EDDM13: variants seen among roughly 807,000 people sequenced by gnomAD.
EDDM13 encodes the protein epididymal protein 13.
In EDDM13, 24 loss-of-function variants were observed where a neutral mutation model predicts 17.8. That is an observed-to-expected ratio of 1.35 (90% CI 0.98 to 1.90). EDDM13 has a LOEUF of 1.90. EDDM13 is among the 40% of genes most tolerant of loss of function. The probability of loss-of-function intolerance (pLI) is 0.00; values close to 1 mark genes in which losing one functional copy is unlikely to be tolerated. For synonymous variants in EDDM13, 31 were observed against 37.5 expected (o/e 0.83, Z 0.63); for missense variants, 97 against 100.8 (o/e 0.96, Z 0.16).
chr19:56,304,649 T>C (rs1034723671), intron 13 of EDDM13, 144 bp from the exon 14 acceptor site: 4 of 258,744 alleles, frequency 1.5e-5, no homozygotes, highest in Admixed American at 1.3e-4. Context: ...GACCAGAAGA[T>C]GTTACAACCA....
At chr19:56,303,261 C>T (rs1180700472) in intron 13 of EDDM13, among the ~76,000 whole-genome samples, 9 of 151,994 alleles carry the variant, frequency 5.9e-5, no homozygotes, top group Non-Finnish European at 8.8e-5. Flanking sequence ...GGCTGGATCA[C>T]GAGGTCAGGA....
At chr19:56,286,572 AAAACG>A (rs1003652598) in intron 6 of EDDM13, 2 of 152,200 alleles carry the variant, frequency 1.3e-5, no homozygotes, top group African/African-American at 4.8e-5. Context: ...TCATGAAAAC[AAAACG>A]AGATTAAATT....
intron 13 of EDDM13, chr19:56,302,756 T>C: frequency 2.8e-6 from 1 of 358,990 alleles, no homozygotes; most frequent in Non-Finnish European, 5.0e-6. Flanking sequence ...TTCTCCCTTC[T>C]GCACTAACAC....
At chr19:56,293,953 T>G (rs2039691329) in intron 9 of EDDM13, among the ~76,000 whole-genome samples, 1 of 152,326 alleles carries the variant, frequency 6.6e-6, no homozygotes, top group Non-Finnish European at 1.5e-5. Flanking sequence ...AGCAAGGGTC[T>G]GTGAGGACCA....
intron 14 of EDDM13, among the ~76,000 whole-genome samples, chr19:56,309,052 C>T (rs2040872565): frequency 6.6e-6 from 1 of 152,178 alleles, no homozygotes; most frequent in African/African-American, 2.4e-5. Context: ...TGTGACTGTA[C>T]CCAACAACTG....
rs2040272840 is a variant in EDDM13, at chr19:56,302,080, C to T, written c.408C>T (p.Tyr136=). 2.4e-6 allele frequency: 3 copies of T among 1,231,576 alleles called. No homozygotes were observed. The highest frequency in any genetic ancestry group is 3.1e-4 in the Middle Eastern group (1 of 3,278). 76.3% of individuals were successfully genotyped at this position (1,231,576 alleles called of 1,614,324 possible). ...YMVMTYLFVS[Y]NKGDWCYCHY... is the part of the protein sequence containing the mutation. ...TGATGACCTACCTCTTCGTATCCTACAACAAAGGGGACTGGGTAAGAAGAA... is the reference window on the plus strand; with the variant it reads ...TGATGACCTACCTCTTCGTATCCTATAACAAAGGGGACTGGGTAAGAAGAA... The change falls in exon 13 of 15, where the codon TAC becomes TAT. Residue 136 remains tyrosine, a synonymous_variant. Coordinates refer to ENST00000649256, the MANE Select transcript of EDDM13 (RefSeq NM_001354658.2).
chr19:56,274,262 T>G (rs2038078238), intron 1 of EDDM13, among the ~76,000 whole-genome samples: 1 of 152,130 alleles, frequency 6.6e-6, no homozygotes, highest in African/African-American at 2.4e-5. Context: ...AAGACCAGCC[T>G]GGCCAACATG....
At chr19:56,284,032 C>A in intron 4 of EDDM13, 166 bp from the exon 5 acceptor site, 5 of 203,160 alleles carry the variant, frequency 2.5e-5, no homozygotes, top group Non-Finnish European at 4.4e-5. Flanking sequence ...CCATGCATGA[C>A]CCCTTGTGGA....
intron 14 of EDDM13, among the ~76,000 whole-genome samples, chr19:56,309,542 G>A (rs1367683560): frequency 6.6e-6 from 1 of 152,230 alleles, no homozygotes; most frequent in Non-Finnish European, 1.5e-5. Flanking sequence ...GCGGAACACA[G>A]TTTGAGGGCC....
At chr19:56,302,910 G>C (rs1004998050) in intron 13 of EDDM13, 1 of 398,488 alleles carries the variant, frequency 2.5e-6, no homozygotes, top group Non-Finnish European at 4.4e-6. Flanking sequence ...CCTTCAAGAA[G>C]GTCCTAATTC....
chr19:56,299,797 G>C (rs984760865), intron 12 of EDDM13: 2 of 152,132 alleles, frequency 1.3e-5, no homozygotes, highest in African/African-American at 2.4e-5. Flanking sequence ...ATTTTAAAAA[G>C]TATTTTTGAC....
intron 14 of EDDM13, among the ~76,000 whole-genome samples, chr19:56,307,438 A>T (rs1273050137): frequency 1.3e-5 from 2 of 152,214 alleles, no homozygotes; most frequent in African/African-American, 2.4e-5. Context: ...CCCAATATAT[A>T]AAAAATTCTA....
intron 1 of EDDM13, among the ~76,000 whole-genome samples, chr19:56,273,765 C>T (rs906808214): frequency 3.3e-5 from 5 of 151,998 alleles, no homozygotes; most frequent in African/African-American, 7.3e-5. Context: ...ACAGAACAGA[C>T]GGGGGCATGT....
At chr19:56,287,823 A>C (rs2039241071) in intron 6 of EDDM13, among the ~76,000 whole-genome samples, 1 of 152,176 alleles carries the variant, frequency 6.6e-6, no homozygotes, top group Admixed American at 6.5e-5. Flanking sequence ...TCAGCCAATG[A>C]ATTTCCAAGT....
At chr19:56,302,622 C>G (rs552198125) in intron 13 of EDDM13, among the ~76,000 whole-genome samples, 2 of 126,904 alleles carry the variant, frequency 1.6e-5, no homozygotes, top group South Asian at 6.1e-4. Context: ...CCTCTTCCTC[C>G]CTCCCTCCTC....
intron 13 of EDDM13, chr19:56,302,876 C>T: frequency 2.5e-6 from 1 of 398,690 alleles, no homozygotes. Flanking sequence ...TTGCTGGTTG[C>T]TGGGGACTCT....
chr19:56,272,969 T>A (rs2037962801), intron 1 of EDDM13, 50 bp downstream of exon 1: 1 of 852,070 alleles, frequency 1.2e-6, no homozygotes. Flanking sequence ...TCTTACAACT[T>A]GGGAGGCTCT....
Position 56,301,567 on chromosome 19 carries a change from T to A in EDDM13, c.296-401T>A, listed in dbSNP as rs561835621. ...TTGCGACTTGTATCTTGTGCCAACCTCCTATTGTCATCCTGTGACTAAGAA... is the reference window on the plus strand; with the variant it reads ...TTGCGACTTGTATCTTGTGCCAACCACCTATTGTCATCCTGTGACTAAGAA... On this transcript the variant is annotated intron_variant, in intron 12 of 14. Transcript: ENST00000649256. Among the ~76,000 whole-genome samples the A allele has an allele frequency of 3.8e-4, 58 of 152,270 alleles. 2 individuals are homozygous for A. The South Asian group carries it at 0.012, about 31-fold the overall frequency.
At chr19:56,309,817 ACTGG>A (rs748596311) in intron 14 of EDDM13, among the ~76,000 whole-genome samples, 4 of 152,142 alleles carry the variant, frequency 2.6e-5, no homozygotes, top group Non-Finnish European at 4.4e-5. Flanking sequence ...GCTGCTTCCC[ACTGG>A]CTGGTTTCTA....
Sources: gnomAD v4.1 joint callset for allele counts (sites outside exome capture counted in the v4.1 genomes callset) on GRCh38, gnomAD v4.1.1 for gene constraint, MANE v1.5 for transcripts, NCBI Gene and HGNC (gene_info 2026-07-23, HGNC 2026-07-21) for gene names.